CACNA1C: variants seen among roughly 807,000 people sequenced by gnomAD.
CACNA1C encodes the protein calcium voltage-gated channel subunit alpha1 C, also known as voltage-dependent L-type calcium channel subunit alpha-1C.
In CACNA1C, 30 loss-of-function variants were observed where a neutral mutation model predicts 229.0. The ratio of observed to expected loss-of-function variants is 0.13; its 90% CI spans 0.10 to 0.18. CACNA1C has a LOEUF of 0.18. Ranked by LOEUF, CACNA1C falls within the 10% of genes least tolerant of loss-of-function variation. The pLI is 1.00. For missense variants in CACNA1C, 1,658 were observed against 2,845.0 expected (o/e 0.58, Z 9.49); for synonymous variants, 1,114 against 1,132.5 (o/e 0.98, Z 0.33).
At chr12:1,996,188 C>T (rs983182776) in intron 1 of CACNA1C, among the ~76,000 whole-genome samples, 3 of 152,146 alleles carry the variant, frequency 2.0e-5, no homozygotes, top group Non-Finnish European at 4.4e-5. Context: ...AGAACTAGTG[C>T]GTCCCCATGA....
At chr12:2,041,583 G>C (rs7300631) in intron 1 of CACNA1C, among the ~76,000 whole-genome samples, 38,218 of 152,024 alleles carry the variant, frequency 0.25, 6,355 homozygotes, top group African/African-American at 0.47. Context: ...GCCCGCTAAG[G>C]GTATTCTTGA....
At chr12:2,281,846 C>G (rs2091360901) in intron 3 of CACNA1C, among the ~76,000 whole-genome samples, 2 of 152,058 alleles carry the variant, frequency 1.3e-5, no homozygotes, top group African/African-American at 2.4e-5. Flanking sequence ...TGATAAATTT[C>G]TGGCTATTAT....
intron 9 of CACNA1C, among the ~76,000 whole-genome samples, chr12:2,529,301 T>C (rs2099835387): frequency 6.6e-6 from 1 of 152,184 alleles, no homozygotes; most frequent in African/African-American, 2.4e-5. Flanking sequence ...AGAAACCCCA[T>C]TCCACAGCTG....
intron 18 of CACNA1C, among the ~76,000 whole-genome samples, chr12:2,587,277 G>A (rs74053841): frequency 0.012 from 1,794 of 152,316 alleles, 32 homozygotes; most frequent in African/African-American, 0.04. Flanking sequence ...TGTTGAAGCT[G>A]GTTATATATA....
At chr12:2,095,042 G>T (rs2238026) in intron 1 of CACNA1C, among the ~76,000 whole-genome samples, 2 of 152,170 alleles carry the variant, frequency 1.3e-5, no homozygotes, top group African/African-American at 2.4e-5. Context: ...TCTCAGAAAC[G>T]TAAATAAGTT....
intron 3 of CACNA1C, among the ~76,000 whole-genome samples, chr12:2,211,087 G>A (rs16929169): frequency 0.026 from 3,998 of 152,300 alleles, 158 homozygotes; most frequent in African/African-American, 0.089. Context: ...TTGTTCTGTG[G>A]TCAAGGAAGG....
rs1484351789 is a variant in CACNA1C, at chr12:2,601,109, C to T, written c.2854-745C>T. On this transcript the variant is annotated intron_variant, in intron 21 of 46. Coordinates refer to ENST00000399655, the MANE Select transcript of CACNA1C (RefSeq NM_000719.7). This position sits in a 1 kb window ranked among gnomAD's most constrained non-coding sequence, Gnocchi z 5.9. ...CACTGAGCCTCATAGCCCCTCTGAT[C>T]ACACAACTTTTGCCCTTAAAGAACT... Among the ~76,000 whole-genome samples the T allele has an allele frequency of 6.6e-6, 1 of 152,202 alleles. No individual in the cohort carries two copies. Among genetic ancestry groups the T allele is most frequent in the African/African-American group, 2.4e-5 (1 of 41,448 alleles).
intron 3 of CACNA1C, among the ~76,000 whole-genome samples, chr12:2,184,135 G>A (rs2096927004): frequency 6.6e-6 from 1 of 152,220 alleles, no homozygotes; most frequent in African/African-American, 2.4e-5. Context: ...AGGCACCAGA[G>A]CTGGGGCTGC....
intron 3 of CACNA1C, among the ~76,000 whole-genome samples, chr12:2,384,347 T>C (rs1198493241): frequency 6.6e-6 from 1 of 152,252 alleles, no homozygotes; most frequent in Admixed American, 6.5e-5. Context: ...TTGTTCTTTC[T>C]GACCCTAATC....
chr12:2,079,647 GAC>G (rs1341033594), intron 1 of CACNA1C, among the ~76,000 whole-genome samples: 1 of 152,122 alleles, frequency 6.6e-6, no homozygotes, highest in African/African-American at 2.4e-5. Context: ...ATTTTGGGGA[GAC>G]ACAAACATTT....
intron 3 of CACNA1C, among the ~76,000 whole-genome samples, chr12:2,409,028 G>A (rs980419118): frequency 6.6e-6 from 1 of 152,136 alleles, no homozygotes; most frequent in African/African-American, 2.4e-5. Flanking sequence ...AATCACATTA[G>A]TTTATCCTAC....
Position 2,079,286 on chromosome 12 carries a change from TA to T in CACNA1C, c.49+25684del, listed in dbSNP as rs201732993. Among the ~76,000 whole-genome samples the T allele has an allele frequency of 4.0e-3, 610 of 151,172 alleles. 4 individuals are homozygous for T. Among genetic ancestry groups the T allele is most frequent in the African/African-American group, 0.013 (548 of 41,196 alleles). ...CTAAAACTTAAAATATAATAATAAT[TA>T]AAAAAAAATAGTTAAGATGGTTGTC... On this transcript the variant is annotated intron_variant, in intron 1 of 46. Transcript: ENST00000399655.
In CACNA1C at chr12:2,551,599, C is replaced by T. The variant is rs897212319; in HGVS notation, c.1481+1566C>T. The stretch of plus-strand genomic sequence containing the variant: ...CCAGCATTCCTGGCGGGAGAAGCAG[C>T]ATGGGAACTGAGATTGCGTGTGATG... On this transcript the variant is annotated intron_variant, in intron 10 of 46. Coordinates refer to ENST00000399655, the MANE Select transcript of CACNA1C (RefSeq NM_000719.7). 2.0e-5 allele frequency among the ~76,000 whole-genome samples: 3 copies of T among 152,122 alleles called. No individual in the cohort carries two copies. In the South Asian group the frequency reaches 6.2e-4, roughly 32 times the overall value.
chr12:2,157,435 G>C (rs1434941976), intron 3 of CACNA1C, among the ~76,000 whole-genome samples: 2 of 152,222 alleles, frequency 1.3e-5, no homozygotes, highest in African/African-American at 4.8e-5. Context: ...TGGCACAATG[G>C]AGGGCAGCAC....
intron 29 of CACNA1C, among the ~76,000 whole-genome samples, chr12:2,627,057 C>T (rs1297450409): frequency 2.3e-4 from 35 of 152,148 alleles, no homozygotes; most frequent in Admixed American, 2.2e-3. Flanking sequence ...CAGCCCCCCT[C>T]GCCTCCACCC....
rs539258577 is a variant in CACNA1C at position 2,448,560 on chromosome 12, C to T, written c.478-416C>T. On this transcript the variant is annotated intron_variant, in intron 3 of 46. Coordinates refer to ENST00000399655, the MANE Select transcript of CACNA1C (RefSeq NM_000719.7). Reference sequence around the variant, plus strand: ...TCTTCAGGGCTTGTTCCTGCAGAATCGGAGCGCGGTTTTCCAGGAGCTGTG... The same window carrying T: ...TCTTCAGGGCTTGTTCCTGCAGAATTGGAGCGCGGTTTTCCAGGAGCTGTG... 4.6e-5 allele frequency among the ~76,000 whole-genome samples: 7 copies of T among 152,250 alleles called. No homozygotes were observed. The South Asian group carries it at 6.2e-4, about 14-fold the overall frequency.
chr12:2,099,991 A>G (rs2075704506), intron 1 of CACNA1C, among the ~76,000 whole-genome samples: 1 of 152,244 alleles, frequency 6.6e-6, no homozygotes, highest in South Asian at 2.1e-4. Context: ...TCTCACAGCT[A>G]GCAACTGACA....
rs186333316 is a variant in CACNA1C, at chr12:2,590,475, T to C, written c.2531-2738T>C. On this transcript the variant is annotated intron_variant, in intron 18 of 46. Coordinates refer to ENST00000399655, the MANE Select transcript of CACNA1C (RefSeq NM_000719.7). ...CCCCAAAATGAGCCTTGCCTGACTT[T>C]CCCTGATCTGTCAGCATCCCTCCTC... is the stretch of plus-strand genomic sequence containing the variant. 3.1e-3 allele frequency among the ~76,000 whole-genome samples: 477 copies of C among 152,312 alleles called. 2 individuals carry two copies. Among genetic ancestry groups the C allele is most frequent in the African/African-American group, 0.011 (461 of 41,572 alleles).
intron 3 of CACNA1C, among the ~76,000 whole-genome samples, chr12:2,143,968 C>T (rs1052034477): frequency 2.7e-5 from 4 of 150,446 alleles, no homozygotes; most frequent in African/African-American, 9.7e-5. Context: ...CTTTACTTTT[C>T]AGCTGCCTGA....
Sources: allele counts gnomAD v4.1 joint callset (sites outside exome capture counted in the v4.1 genomes callset), GRCh38; gene constraint gnomAD v4.1.1; non-coding constraint Gnocchi (gnomAD v3.1); transcripts MANE v1.5; gene names NCBI Gene and HGNC (gene_info 2026-07-23, HGNC 2026-07-21).